The following SEPTIN9 variants were observed in gnomAD, a reference collection of about 807,000 sequenced individuals.
SEPTIN9 encodes the protein septin 9, also known as septin-9.
In SEPTIN9, 13 loss-of-function variants were observed where a neutral mutation model predicts 56.6. The observed-to-expected ratio is 0.23, with a 90% CI of 0.15 to 0.37. The LOEUF (loss-of-function observed/expected upper bound fraction) is 0.37. Among genes scored for constraint, SEPTIN9 ranks in the 10% least tolerant of loss-of-function variants. The pLI, the probability that SEPTIN9 is intolerant of heterozygous loss-of-function variation, is 1.00. For synonymous variants in SEPTIN9, 332 were observed against 334.1 expected, an observed-to-expected ratio of 0.99 and a Z score of 0.07; for missense variants, 650 against 823.1, an observed-to-expected ratio of 0.79 and a Z score of 2.57.
intron 10 of SEPTIN9, 87 bp from the exon 11 acceptor site, chr17:77,497,228 C>T (rs967202989): frequency 7.3e-7 from 1 of 1,378,002 alleles, no homozygotes; most frequent in Non-Finnish European, 1.0e-6. Flanking sequence ...CTTTTGGCAC[C>T]AGCATTTCTG....
chr17:77,446,070 G>A (rs1278644535), intron 3 of SEPTIN9: 1 of 167,622 alleles, frequency 6.0e-6, no homozygotes, highest in African/African-American at 2.4e-5. Flanking sequence ...TGTTGCTGTG[G>A]GCGGAGGAAT....
intron 2 of SEPTIN9, among the ~76,000 whole-genome samples, chr17:77,309,952 G>A (rs1306290376): frequency 2.0e-5 from 3 of 151,970 alleles, no homozygotes; most frequent in African/African-American, 4.8e-5. Context: ...TCTGTGCTGG[G>A]CAGTGGTGTG....
chr17:77,394,513 G>A lies in SEPTIN9; in HGVS notation c.77-7546G>A, dbSNP rs189887410. 2.3e-4 allele frequency among the ~76,000 whole-genome samples: 35 copies of A among 152,328 alleles called. No homozygotes were observed. The South Asian group carries it at 2.7e-3, about 12-fold the overall frequency. ...GAGACCCAGTTTGACCAGGGCTAGC[G>A]TTCCTGGAACCTGAGCCTGGAATTC... On this transcript the variant is annotated intron_variant, in intron 2 of 11. Transcript: ENST00000427177.
chr17:77,448,348 C>T (rs528383978), intron 3 of SEPTIN9, among the ~76,000 whole-genome samples: 15 of 152,180 alleles, frequency 9.9e-5, no homozygotes, highest in African/African-American at 2.2e-4. Context: ...TGGTGGTGTA[C>T]GCCTGTAGTC....
At chr17:77,426,773 G>A (rs542121389) in intron 3 of SEPTIN9, among the ~76,000 whole-genome samples, 8 of 152,254 alleles carry the variant, frequency 5.3e-5, no homozygotes, top group South Asian at 2.1e-4. Context: ...GAGTCTTGCC[G>A]TTTATTTGTT....
chr17:77,373,473 C>G (rs572415774), intron 2 of SEPTIN9: 2 of 1,522,978 alleles, frequency 1.3e-6, no homozygotes, highest in South Asian at 1.2e-5. Context: ...CTGCCCTCCG[C>G]GCGACCCGCT....
intron 2 of SEPTIN9, among the ~76,000 whole-genome samples, chr17:77,358,757 C>T (rs987264733): frequency 1.6e-4 from 25 of 152,178 alleles, no homozygotes; most frequent in African/African-American, 6.0e-4. Context: ...TATATTGCAC[C>T]AGATTCTGCC....
intron 4 of SEPTIN9, among the ~76,000 whole-genome samples, chr17:77,484,998 T>C (rs2039671995): frequency 1.6e-5 from 1 of 63,852 alleles, no homozygotes; most frequent in Admixed American, 1.5e-4. Context: ...GTGATGGTGG[T>C]GAAGGGGGTG....
Position 77,425,462 on chromosome 17 carries a change from C to T in SEPTIN9, c.721+22759C>T, listed in dbSNP as rs1007687100. Among the ~76,000 whole-genome samples, 1 of 152,172 alleles carries T rather than the reference C, an allele frequency of 6.6e-6. No homozygotes were observed. Among genetic ancestry groups the T allele is most frequent in the Admixed American group, 6.5e-5 (1 of 15,268 alleles). On this transcript the variant is annotated intron_variant, in intron 3 of 11. Transcript: ENST00000427177. This position sits in a 1 kb window ranked among gnomAD's most constrained non-coding sequence, Gnocchi z 4.2. ...AGTGTCACTCTGGATACAGCCCTCA[C>T]CTCTTCCTGGCCCCCTCTCTGGTCA... is the stretch of plus-strand genomic sequence containing the variant.
intron 3 of SEPTIN9, among the ~76,000 whole-genome samples, chr17:77,478,663 C>T (rs1192081677): frequency 6.6e-6 from 1 of 152,054 alleles, no homozygotes; most frequent in East Asian, 1.9e-4. Flanking sequence ...ATTAGCCGGG[C>T]ATGGTGGCGG....
intron 1 of SEPTIN9, among the ~76,000 whole-genome samples, chr17:77,292,871 T>C (rs2143523568): frequency 6.6e-6 from 1 of 152,324 alleles, no homozygotes; most frequent in South Asian, 2.1e-4. Flanking sequence ...CCACGTGATC[T>C]GTGATCTTCC....
intron 3 of SEPTIN9, among the ~76,000 whole-genome samples, chr17:77,461,561 C>A (rs1246855077): frequency 6.6e-6 from 1 of 152,222 alleles, no homozygotes; most frequent in Non-Finnish European, 1.5e-5. Flanking sequence ...GGCTCACCAG[C>A]TTCTTGTTGC....
intron 10 of SEPTIN9, among the ~76,000 whole-genome samples, chr17:77,493,775 T>G (rs2040140075): frequency 6.7e-6 from 1 of 148,976 alleles, no homozygotes; most frequent in African/African-American, 2.5e-5. Context: ...CTTTTTTTTT[T>G]TTTTTTTTTT....
At chr17:77,307,538 A>T (rs1399180944) in intron 2 of SEPTIN9, among the ~76,000 whole-genome samples, 1 of 150,968 alleles carries the variant, frequency 6.6e-6, no homozygotes, top group Non-Finnish European at 1.5e-5. Context: ...TGCCATGGAC[A>T]GGTGGCTTTG....
chr17:77,493,182 C>A, intron 10 of SEPTIN9, 106 bp downstream of exon 10: 1 of 854,766 alleles, frequency 1.2e-6, no homozygotes, highest in Non-Finnish European at 1.9e-6. Context: ...GGAACCTCAT[C>A]CACTGCCTTG....
Position 77,499,189 on chromosome 17 carries a change from G to GC in SEPTIN9, c.*534dup. ...TGGCCATCACTCAGCCCCTACCCCT[G>GC]CCCTGCTCCTAAGGGTAGAAAACTC... On this transcript the variant is annotated 3_prime_UTR_variant, in exon 12 of 12. Transcript: ENST00000427177. 1 of 545,564 alleles carries GC rather than the reference G, an allele frequency of 1.8e-6. No homozygotes were observed. Among genetic ancestry groups the GC allele is most frequent in the South Asian group, 1.5e-5 (1 of 65,904 alleles). The allele number at this position is 545,564 out of a possible 1,614,324, so 33.8% of individuals were successfully genotyped here.
At chr17:77,373,044 C>T (rs749834413) in intron 2 of SEPTIN9, 1 of 285,452 alleles carries the variant, frequency 3.5e-6, no homozygotes, top group Non-Finnish European at 5.4e-6. Context: ...CCACATCCGC[C>T]CACATCTGGC....
Position 77,499,230 on chromosome 17 carries a change from C to A in SEPTIN9, c.*572C>A. ...TAGAAAACTCCAGGGTCCCCTGCCA[C>A]CGACTGCCCAGCCACTCCAAGCCCC... On this transcript the variant is annotated 3_prime_UTR_variant, in exon 12 of 12. Coordinates refer to ENST00000427177, the MANE Select transcript of SEPTIN9 (RefSeq NM_001113491.2). 1.7e-6 allele frequency: 1 copy of A among 584,790 alleles called. No homozygotes were observed. Among genetic ancestry groups the A allele is most frequent in the South Asian group, 1.4e-5 (1 of 69,676 alleles). 36.2% of individuals were successfully genotyped at this position (584,790 alleles called of 1,614,324 possible). A position where few individuals can be genotyped will look rare whatever the true frequency, so the allele number is the denominator to read the frequency against.
chr17:77,407,420 G>T (rs2036128151), intron 3 of SEPTIN9, among the ~76,000 whole-genome samples: 1 of 151,968 alleles, frequency 6.6e-6, no homozygotes, highest in Non-Finnish European at 1.5e-5. Flanking sequence ...GGTTCTTGTA[G>T]GCAGATGTAG....
Sources: allele counts gnomAD v4.1 joint callset (sites outside exome capture counted in the v4.1 genomes callset), GRCh38; gene constraint gnomAD v4.1.1; non-coding constraint Gnocchi (gnomAD v3.1); transcripts MANE v1.5; gene names NCBI Gene and HGNC (gene_info 2026-07-23, HGNC 2026-07-21).